The following PPID variants were observed in gnomAD, a reference collection of about 807,000 sequenced individuals.
PPID encodes the protein peptidylprolyl isomerase D, also known as peptidyl-prolyl cis-trans isomerase D.
Under a neutral mutation model 48.1 loss-of-function variants are expected in PPID, and 47 were observed. The ratio of observed to expected loss-of-function variants is 0.98; its 90% CI spans 0.77 to 1.25. The LOEUF is 1.25. Among genes scored for constraint, PPID ranks in the 50% most tolerant of loss-of-function variants. The probability of loss-of-function intolerance (pLI) is 0.00; values close to 1 mark genes in which losing one functional copy is unlikely to be tolerated. For synonymous variants in PPID, 163 were observed against 148.8 expected (o/e 1.10, Z -0.69); for missense variants, 429 against 443.5 (o/e 0.97, Z 0.29).
intron 4 of PPID, among the ~76,000 whole-genome samples, chr4:158,716,197 A>G (rs973894754): frequency 2.0e-5 from 3 of 151,552 alleles, no homozygotes; most frequent in Non-Finnish European, 4.4e-5. Context: ...AAGTGCTGGG[A>G]TTACAAGCAT....
Position 158,715,379 on chromosome 4 carries a change from CTGT to C in PPID, c.667_669del (p.Thr223del), listed in dbSNP as rs751190059. The C allele has an allele frequency of 1.3e-6, 2 of 1,527,154 alleles. No homozygotes were observed. Among genetic ancestry groups the C allele is most frequent in the Non-Finnish European group, 8.8e-7 (1 of 1,138,076 alleles). 94.6% of individuals were successfully genotyped at this position (1,527,154 alleles called of 1,614,324 possible). On this transcript the variant is annotated inframe_deletion, in exon 6 of 10. Coordinates refer to ENST00000307720, the MANE Select transcript of PPID (RefSeq NM_005038.3). ...GTATTTCCAATGTTTTTTAAGTCTT[CTGT>C]TATTAATAAAATTTTATCTACCTGT...
intron 6 of PPID, 91 bp from the exon 7 acceptor site, chr4:158,713,351 A>G: frequency 8.2e-7 from 1 of 1,217,690 alleles, no homozygotes; most frequent in Non-Finnish European, 1.1e-6. Context: ...CATTTCTGAT[A>G]TAAAAAGCTC....
At chr4:158,715,880 T>A (rs1774863413) in intron 4 of PPID, among the ~76,000 whole-genome samples, 196 bp from the exon 5 acceptor site, 1 of 152,232 alleles carries the variant, frequency 6.6e-6, no homozygotes, top group Admixed American at 6.5e-5. Flanking sequence ...TTTATTGCTA[T>A]TCAGGAGCTC....
Position 158,717,141 on chromosome 4 carries a change from CTG to C in PPID, c.391_392del (p.Gln131ValfsTer23), listed in dbSNP as rs1168595391. On this transcript the variant is annotated frameshift_variant, in exon 4 of 10. Coordinates refer to ENST00000307720, the MANE Select transcript of PPID (RefSeq NM_005038.3). LOFTEE classifies it high-confidence loss of function. The stretch of plus-strand genomic sequence containing the variant: ...GAGTTGGAACTGTTGTGATAAAAAA[CTG>C]AGAACCGTTTGTGTTGCGGCCTGCA... The part of the protein sequence containing the change: ...ANAGRNTNGS[Q>X]FFITTVPTPH... 9.3e-6 allele frequency: 15 copies of C among 1,614,042 alleles called. No homozygotes were observed. The highest frequency in any genetic ancestry group is 1.2e-5 in the Non-Finnish European group (14 of 1,180,032).
intron 1 of PPID, among the ~76,000 whole-genome samples, chr4:158,722,485 A>T (rs1322736699): frequency 6.6e-6 from 1 of 152,272 alleles, no homozygotes; most frequent in Admixed American, 6.5e-5. Context: ...AACTGAATGT[A>T]CGTGTAAACG....
At chr4:158,723,131 C>G in intron 1 of PPID, 73 bp downstream of exon 1, 1 of 1,439,638 alleles carries the variant, frequency 6.9e-7, no homozygotes. Context: ...CCGCATTCCG[C>G]CCTTGGAATC....
chr4:158,712,756 CA>C (rs1179171434), intron 7 of PPID, among the ~76,000 whole-genome samples: 7 of 145,936 alleles, frequency 4.8e-5, no homozygotes, highest in African/African-American at 5.0e-5. Flanking sequence ...GACTCCGTCT[CA>C]AAAAAAAAAG....
chr4:158,711,473 C>T (rs538004238), intron 7 of PPID, among the ~76,000 whole-genome samples: 12 of 152,134 alleles, frequency 7.9e-5, no homozygotes, highest in East Asian at 1.9e-4. Context: ...ATCTGCCCGC[C>T]GCCGTGGCCT....
chr4:158,717,855 T>C (rs1774896821), intron 3 of PPID, among the ~76,000 whole-genome samples: 1 of 152,246 alleles, frequency 6.6e-6, no homozygotes, highest in African/African-American at 2.4e-5. Flanking sequence ...AATTCTACCT[T>C]GGCATAATCC....
At chr4:158,722,921 C>A (rs1203126746) in intron 1 of PPID, among the ~76,000 whole-genome samples, 1 of 152,190 alleles carries the variant, frequency 6.6e-6, no homozygotes, top group African/African-American at 2.4e-5. Flanking sequence ...GCAAAGGTGG[C>A]GTGGAAGTGC....
chr4:158,712,461 T>C (rs1233564361), intron 7 of PPID, among the ~76,000 whole-genome samples: 4 of 152,218 alleles, frequency 2.6e-5, no homozygotes, highest in Admixed American at 6.5e-5. Flanking sequence ...CATTGTGTTA[T>C]ATAACTCTCT....
chr4:158,715,795 A>T lies in PPID; in HGVS notation c.523-111T>A, dbSNP rs6832487. 4,352 of 1,220,116 alleles carry T rather than the reference A, an allele frequency of 3.6e-3. 89 individuals carry two copies. The African/African-American group carries it at 0.049, about 14-fold the overall frequency. The allele number at this position is 1,220,116 out of a possible 1,614,324, so 75.6% of individuals were successfully genotyped here. A position where few individuals can be genotyped will look rare whatever the true frequency, so the allele number is the denominator to read the frequency against. On this transcript the variant is annotated intron_variant, in intron 4 of 9. Transcript: ENST00000307720. The stretch of plus-strand genomic sequence containing the variant: ...GTCCAATTCACAGATTTATGTGAGA[A>T]GGCTCATTTATGTACTATAATGCTG...
At chr4:158,719,352 G>T in intron 2 of PPID, 66 bp from the exon 3 acceptor site, 2 of 1,028,446 alleles carry the variant, frequency 1.9e-6, no homozygotes. Context: ...CTTACTAATG[G>T]ATACGTACGT....
At chr4:158,722,182 T>G (rs1200036484) in intron 1 of PPID, among the ~76,000 whole-genome samples, 1 of 152,234 alleles carries the variant, frequency 6.6e-6, no homozygotes, top group African/African-American at 2.4e-5. Flanking sequence ...CATAACCAAT[T>G]ATAGTAGCCA....
rs1774885092 is a variant in PPID at position 158,717,127 on chromosome 4, G to A, written c.407C>T (p.Thr136Ile). 3 of 1,614,086 alleles carry A rather than the reference G, an allele frequency of 1.9e-6. No individual in the cohort carries two copies. In the East Asian group the frequency reaches 6.7e-5, roughly 36 times the overall value. ...NTNGSQFFITTVPTPHLDGKH... is the reference protein window; with the variant it reads ...NTNGSQFFITIVPTPHLDGKH... ...CCCATCCAAATGAGGAGTTGGAACTGTTGTGATAAAAAACTGAGAACCGTT... is the reference window on the plus strand; with the variant it reads ...CCCATCCAAATGAGGAGTTGGAACTATTGTGATAAAAAACTGAGAACCGTT... The change falls in exon 4 of 10, where the codon ACA becomes ATA. Residue 136 changes from threonine (T) to isoleucine (I), a missense_variant. Coordinates refer to ENST00000307720, the MANE Select transcript of PPID (RefSeq NM_005038.3).
Position 158,723,266 on chromosome 4 carries a change from G to T in PPID, c.23C>A (p.Ala8Asp), listed in dbSNP as rs774062745. The change falls in exon 1 of 10, where the codon GCC becomes GAC. Residue 8 changes from alanine to aspartate, a missense_variant. Transcript: ENST00000307720. MSHPSPQ[A>D]KPSNPSNPRV... ...AGGGTTACTGGGGTTGGAGGGCTTG[G>T]CTTGGGGGGACGGGTGCGACATCTT... 2 of 1,614,030 alleles carry T rather than the reference G, an allele frequency of 1.2e-6. No homozygotes were observed. Among genetic ancestry groups the T allele is most frequent in the South Asian group, 1.1e-5 (1 of 91,088 alleles).
chr4:158,719,246 A>C lies in PPID; in HGVS notation c.267T>G (p.Asn89Lys). 1 of 1,611,662 alleles carries C rather than the reference A, an allele frequency of 6.2e-7. No individual in the cohort carries two copies. Among genetic ancestry groups the C allele is most frequent in the South Asian group, 1.1e-5 (1 of 90,972 alleles). ...KFMIQGGDFS[N>K]QNGTGGESIY... ...TACTTTCTCCACCTGTCCCATTCTG[A>C]TTTGAGAAGTCTCCACCCTGAATCA... Residue 89 changes from asparagine to lysine, a missense_variant, in exon 3 of 10, where the codon AAT becomes AAG. By Grantham distance (94) the Asn-to-Lys change is moderately conservative (BLOSUM62 0). Transcript: ENST00000307720.
chr4:158,709,752 G>T lies in PPID; in HGVS notation c.1097C>A (p.Ala366Glu). Residue 366 changes from alanine (A) to glutamate (E), a missense_variant, in exon 10 of 10, where the codon GCA (alanine) becomes GAA (glutamate). Transcript: ENST00000307720. The stretch of plus-strand genomic sequence containing the variant: ...GAATCCTTTCTAAGCAAACATTTTT[G>T]CATATACTGCCTTCTCTTTATCTTT... The part of the protein sequence containing the change: ...AQKDKEKAVY[A>E]KMFA 1 of 1,606,266 alleles carries T rather than the reference G, an allele frequency of 6.2e-7. No individual in the cohort carries two copies. The highest frequency in any genetic ancestry group is 8.5e-7 in the Non-Finnish European group (1 of 1,174,614).
At chr4:158,716,495 A>T (rs1015930076) in intron 4 of PPID, among the ~76,000 whole-genome samples, 1 of 151,934 alleles carries the variant, frequency 6.6e-6, no homozygotes, top group African/African-American at 2.4e-5. Flanking sequence ...TCACCAAATG[A>T]AAGTTGAAAT....
Sources: allele counts gnomAD v4.1 joint callset (sites outside exome capture counted in the v4.1 genomes callset), GRCh38; gene constraint gnomAD v4.1.1; transcripts MANE v1.5; gene names NCBI Gene and HGNC (gene_info 2026-07-23, HGNC 2026-07-21).